The following IRAK2 variants were observed in gnomAD, a reference collection of about 807,000 sequenced individuals.
The protein encoded by IRAK2 is interleukin-1 receptor-associated kinase-like 2.
Under a neutral mutation model 72.0 loss-of-function variants are expected in IRAK2, and 57 were observed. That is an observed-to-expected ratio of 0.79 (90% CI 0.64 to 0.99). The LOEUF is 0.99. Among genes scored for constraint, IRAK2 ranks in the 50% least tolerant of loss-of-function variants. IRAK2 has a pLI of 0.00. For synonymous variants in IRAK2, 293 were observed against 312.7 expected, an observed-to-expected ratio of 0.94 and a Z score of 0.67; for missense variants, 790 against 794.4, an observed-to-expected ratio of 0.99 and a Z score of 0.07.
At chr3:10,217,443 A>C (rs989238824) in intron 7 of IRAK2, among the ~76,000 whole-genome samples, 2 of 152,238 alleles carry the variant, frequency 1.3e-5, no homozygotes, top group East Asian at 1.9e-4. Context: ...ATGGTTCTGG[A>C]GGTGTTAGCC....
intron 11 of IRAK2, among the ~76,000 whole-genome samples, chr3:10,235,144 G>T (rs1697935917): frequency 6.6e-6 from 1 of 152,130 alleles, no homozygotes; most frequent in Non-Finnish European, 1.5e-5. Context: ...TCCATCCCTG[G>T]ATGGTGTCGG....
intron 3 of IRAK2, among the ~76,000 whole-genome samples, chr3:10,203,757 G>A (rs1300384846): frequency 2.0e-5 from 3 of 152,124 alleles, no homozygotes; most frequent in Non-Finnish European, 4.4e-5. Flanking sequence ...TCAGCCTCCC[G>A]AGTAGCTGGC....
At chr3:10,194,906 C>G (rs1227467613) in intron 2 of IRAK2, among the ~76,000 whole-genome samples, 2 of 152,148 alleles carry the variant, frequency 1.3e-5, no homozygotes, top group African/African-American at 4.8e-5. Flanking sequence ...ACATCCGTGG[C>G]TGGTGTGACC....
At chr3:10,191,395 C>G (rs185712480) in intron 2 of IRAK2, among the ~76,000 whole-genome samples, 1 of 152,152 alleles carries the variant, frequency 6.6e-6, no homozygotes, top group Admixed American at 6.6e-5. Flanking sequence ...TTGGTAAGTA[C>G]TCTCTCAGCT....
chr3:10,164,960 C>G lies in IRAK2; in HGVS notation c.6C>G (p.Ala2=). The G allele has an allele frequency of 1.9e-6, 3 of 1,609,566 alleles. No homozygotes were observed. The highest frequency in any genetic ancestry group is 2.5e-6 in the Non-Finnish European group (3 of 1,178,576). The part of the protein sequence containing the change: M[A]CYIYQLPSWV... Reference sequence around the variant, plus strand: ...AGCCGGCCCCGTAGCGTGCCATGGCCTGCTACATCTACCAGCTGCCCTCCT... The same window carrying G: ...AGCCGGCCCCGTAGCGTGCCATGGCGTGCTACATCTACCAGCTGCCCTCCT... The change falls in exon 1 of 13, where the codon GCC becomes GCG. Residue 2 remains alanine, a synonymous_variant. Coordinates refer to ENST00000256458, the MANE Select transcript of IRAK2 (RefSeq NM_001570.4).
intron 2 of IRAK2, among the ~76,000 whole-genome samples, chr3:10,187,317 T>C (rs1038237198): frequency 6.6e-6 from 1 of 152,180 alleles, no homozygotes; most frequent in East Asian, 1.9e-4. Flanking sequence ...CAAAGACTAG[T>C]TGAAAAATAG....
In IRAK2 at chr3:10,238,828, T is replaced by C; in HGVS notation, c.1554T>C (p.Gly518=). 1 of 1,613,874 alleles carries C rather than the reference T, an allele frequency of 6.2e-7. No homozygotes were observed. Among genetic ancestry groups the C allele is most frequent in the Non-Finnish European group, 8.5e-7 (1 of 1,179,954 alleles). The change falls in exon 12 of 13, where the codon GGT becomes GGC. Residue 518 remains glycine (G), a synonymous_variant. Transcript: ENST00000256458. ...TCCCTTGGAGTGGGCTTTCTGAGGG[T>C]ACAGGCTCTTCTTCCAACACCCCAG... ...TLLPWSGLSE[G]TGSSSNTPEE... is the part of the protein sequence containing the mutation.
chr3:10,236,115 A>T (rs1208348673), intron 11 of IRAK2, among the ~76,000 whole-genome samples: 3 of 151,976 alleles, frequency 2.0e-5, no homozygotes, highest in African/African-American at 7.3e-5. Flanking sequence ...GACCTTCCTG[A>T]GGAAGGGGGG....
At chr3:10,234,174 T>C (rs1257826204) in intron 10 of IRAK2, among the ~76,000 whole-genome samples, 2 of 151,886 alleles carry the variant, frequency 1.3e-5, no homozygotes, top group South Asian at 2.1e-4. Context: ...GGTGTAGGTA[T>C]TTTTGTTGTT....
chr3:10,175,162 C>T (rs1483032429), intron 1 of IRAK2, among the ~76,000 whole-genome samples: 9 of 151,588 alleles, frequency 5.9e-5, no homozygotes, highest in Non-Finnish European at 1.2e-4. Context: ...CAGTCTCTGT[C>T]GCTCAGGCTG....
intron 2 of IRAK2, among the ~76,000 whole-genome samples, chr3:10,181,621 T>C (rs944512922): frequency 2.0e-5 from 3 of 151,824 alleles, no homozygotes; most frequent in African/African-American, 7.3e-5. Flanking sequence ...CCCTGACAAA[T>C]AGAACTAGGG....
chr3:10,209,590 G>T lies in IRAK2; in HGVS notation c.426G>T (p.Gly142=). The T allele has an allele frequency of 6.5e-7, 1 of 1,546,206 alleles. No homozygotes were observed. The highest frequency in any genetic ancestry group is 8.7e-7 in the Non-Finnish European group (1 of 1,150,626). Residue 142 remains glycine, a splice_region_variant and synonymous_variant, in exon 4 of 13, where the codon GGG becomes GGT. Coordinates refer to ENST00000256458, the MANE Select transcript of IRAK2 (RefSeq NM_001570.4). ...PVRMATFPGP[G]SSPARAHQPA... is the part of the protein sequence containing the mutation. The stretch of plus-strand genomic sequence containing the variant: ...TGACCCATAGTCCCTCCTTTCCAGG[G>T]TCCTCTCCAGCCAGAGCCCACCAGC...
At chr3:10,242,004 T>G in intron 12 of IRAK2, 112 bp from the exon 13 acceptor site, 1 of 504,356 alleles carries the variant, frequency 2.0e-6, no homozygotes, top group Non-Finnish European at 3.5e-6. Flanking sequence ...AAAAAAGAAA[T>G]GCTCATTACA....
intron 12 of IRAK2, among the ~76,000 whole-genome samples, chr3:10,239,597 C>T (rs813569): frequency 0.19 from 29,224 of 151,622 alleles, 3,943 homozygotes; most frequent in East Asian, 0.71. Flanking sequence ...CATGGTGGCG[C>T]GTGCCTGTAA....
At chr3:10,215,793 C>T (rs186077109) in intron 6 of IRAK2, among the ~76,000 whole-genome samples, 1 of 151,268 alleles carries the variant, frequency 6.6e-6, no homozygotes. Flanking sequence ...CACACACATA[C>T]ATCTAATAAA....
At chr3:10,210,745 C>G (rs1195003613) in intron 4 of IRAK2, among the ~76,000 whole-genome samples, 1 of 152,166 alleles carries the variant, frequency 6.6e-6, no homozygotes, top group African/African-American at 2.4e-5. Context: ...GATCAACCTT[C>G]CATGAAGGAT....
At position 10,167,454 on chromosome 3, in the gene IRAK2, A is replaced by G. The variant is rs546509434; in HGVS notation, c.94+2406A>G. Reference sequence around the variant, plus strand: ...TTTTGAGACGGAGTCTCGCTTTGTCACCCAGGCTGGAGTGCAGTGGCGCAA... The same window carrying G: ...TTTTGAGACGGAGTCTCGCTTTGTCGCCCAGGCTGGAGTGCAGTGGCGCAA... On this transcript the variant is annotated intron_variant, in intron 1 of 12. Transcript: ENST00000256458. 1.2e-3 allele frequency among the ~76,000 whole-genome samples: 182 copies of G among 149,388 alleles called. 1 individual carries two copies. Among genetic ancestry groups the G allele is most frequent in the African/African-American group, 4.0e-3 (162 of 40,410 alleles).
chr3:10,212,384 G>A (rs1697534905), intron 4 of IRAK2, among the ~76,000 whole-genome samples: 1 of 151,930 alleles, frequency 6.6e-6, no homozygotes, highest in Non-Finnish European at 1.5e-5. Context: ...TTCCAGTGTG[G>A]TCCAGGGAAG....
At chr3:10,204,558 G>A (rs568943424) in intron 3 of IRAK2, among the ~76,000 whole-genome samples, 1 of 152,234 alleles carries the variant, frequency 6.6e-6, no homozygotes, top group African/African-American at 2.4e-5. Context: ...AGACCAGCCT[G>A]GTCAACATGG....
Sources: allele counts gnomAD v4.1 joint callset (sites outside exome capture counted in the v4.1 genomes callset), GRCh38; gene constraint gnomAD v4.1.1; transcripts MANE v1.5; gene names NCBI Gene and HGNC (gene_info 2026-07-23, HGNC 2026-07-21).